The following IMPA1 variants were observed in gnomAD, a reference collection of about 807,000 sequenced individuals.
IMPA1 encodes D-galactose 1-phosphate phosphatase.
A neutral mutation model predicts 34.9 loss-of-function variants in IMPA1; 21 were observed. The ratio of observed to expected loss-of-function variants is 0.60; its 90% CI spans 0.43 to 0.87. The LOEUF is 0.87. Among genes scored for constraint, IMPA1 ranks in the 40% least tolerant of loss-of-function variants. IMPA1 has a pLI of 0.00. For missense variants in IMPA1, 299 were observed against 336.4 expected (o/e 0.89, Z 0.87); for synonymous variants, 95 against 104.4 (o/e 0.91, Z 0.55).
intron 1 of IMPA1, among the ~76,000 whole-genome samples, chr8:81,685,395 C>A (rs549676174): frequency 2.2e-5 from 3 of 136,042 alleles, no homozygotes; most frequent in South Asian, 4.7e-4. Flanking sequence ...AGTATATATA[C>A]CTAAGTATAT....
intron 3 of IMPA1, among the ~76,000 whole-genome samples, chr8:81,679,830 G>T (rs2130315167): frequency 6.6e-6 from 1 of 152,160 alleles, no homozygotes; most frequent in Middle Eastern, 3.4e-3. Context: ...AATCATTAAG[G>T]AAATGTAATG....
chr8:81,680,536 T>G, intron 3 of IMPA1, 114 bp downstream of exon 3: 1 of 755,374 alleles, frequency 1.3e-6, no homozygotes, highest in Non-Finnish European at 2.2e-6. Flanking sequence ...ACACTTTGAC[T>G]GTAACTTCAT....
At chr8:81,685,864 C>A (rs1415285636) in intron 1 of IMPA1, 1 of 1,549,576 alleles carries the variant, frequency 6.5e-7, no homozygotes, top group Non-Finnish European at 8.7e-7. Flanking sequence ...CTTTTTGCCA[C>A]CTGTCCCAGC....
intron 7 of IMPA1, among the ~76,000 whole-genome samples, chr8:81,669,712 T>C (rs1806934276): frequency 6.6e-6 from 1 of 152,154 alleles, no homozygotes; most frequent in Non-Finnish European, 1.5e-5. Flanking sequence ...GGGGATGGAA[T>C]GAGTGTATTT....
intron 5 of IMPA1, among the ~76,000 whole-genome samples, chr8:81,675,990 G>A (rs1807119754): frequency 6.6e-6 from 1 of 152,166 alleles, no homozygotes; most frequent in Non-Finnish European, 1.5e-5. Flanking sequence ...ACTAAATACT[G>A]AGTTGTATTT....
At chr8:81,676,481 AC>A (rs1322055856) in intron 4 of IMPA1, among the ~76,000 whole-genome samples, 1 of 152,134 alleles carries the variant, frequency 6.6e-6, no homozygotes, top group Non-Finnish European at 1.5e-5. Context: ...TATTATACAC[AC>A]ACACCCTCCC....
At chr8:81,674,948 T>A in intron 5 of IMPA1, 1 of 410,612 alleles carries the variant, frequency 2.4e-6, no homozygotes. Flanking sequence ...TGGCATTTCC[T>A]TGGCTATTCT....
chr8:81,686,094 A>T, intron 1 of IMPA1, 158 bp downstream of exon 1: 1 of 892,190 alleles, frequency 1.1e-6, no homozygotes, highest in Non-Finnish European at 1.5e-6. Context: ...GCAGCTCCGG[A>T]TAACGCAGCA....
chr8:81,685,745 GGT>G, intron 1 of IMPA1: 1 of 1,473,900 alleles, frequency 6.8e-7, no homozygotes, highest in Non-Finnish European at 9.1e-7. Context: ...TGATGGGCAG[GGT>G]CCGTAGTTTA....
Position 81,658,101 on chromosome 8 carries a change from TTAATA to T in IMPA1, c.*1245_*1249del, listed in dbSNP as rs924404724. 4.0e-5 allele frequency: 6 copies of T among 150,976 alleles called. No individual in the cohort carries two copies. In the South Asian group the frequency reaches 6.2e-4, roughly 16 times the overall value. The allele number at this position is 150,976 out of a possible 1,614,324, so 9.4% of individuals were successfully genotyped here. Reference sequence around the variant, plus strand: ...AGTCAAACCTTAGTATCACACATACTTAATATATTAGATATACACAATAATAAAAT... The same window carrying T: ...AGTCAAACCTTAGTATCACACATACTTATTAGATATACACAATAATAAAAT... On this transcript the variant is annotated 3_prime_UTR_variant, in exon 9 of 9. Coordinates refer to ENST00000256108, the MANE Select transcript of IMPA1 (RefSeq NM_005536.4).
Position 81,659,307 on chromosome 8 carries a change from A to G in IMPA1, c.*44T>C, listed in dbSNP as rs778603291. The G allele has an allele frequency of 9.3e-7, 1 of 1,079,516 alleles. No individual in the cohort carries two copies. The highest frequency in any genetic ancestry group is 1.4e-6 in the Non-Finnish European group (1 of 692,716). The allele number at this position is 1,079,516 out of a possible 1,614,324, so 66.9% of individuals were successfully genotyped here. ...ACACATATCCATTGATGAGTCACCA[A>G]ATCTGGGGAAAAGCAACTGGGATTG... On this transcript the variant is annotated 3_prime_UTR_variant, in exon 9 of 9. Transcript: ENST00000256108.
In IMPA1 at chr8:81,658,070, T is replaced by C. The variant is rs1170782283; in HGVS notation, c.*1281A>G. 1.3e-5 allele frequency: 2 copies of C among 152,116 alleles called. No individual in the cohort carries two copies. Among genetic ancestry groups the C allele is most frequent in the African/African-American group, 4.8e-5 (2 of 41,394 alleles). 9.4% of individuals were successfully genotyped at this position (152,116 alleles called of 1,614,324 possible). A position where few individuals can be genotyped will look rare whatever the true frequency, so the allele number is the denominator to read the frequency against. ...ACATGTGATCAACAGTACAAATAATTATAGCAGTCAAACCTTAGTATCACA... is the reference window on the plus strand; with the variant it reads ...ACATGTGATCAACAGTACAAATAATCATAGCAGTCAAACCTTAGTATCACA... On this transcript the variant is annotated 3_prime_UTR_variant, in exon 9 of 9. Transcript: ENST00000256108.
chr8:81,673,976 C>T, intron 5 of IMPA1, 27 bp from the exon 6 acceptor site: 1 of 1,384,894 alleles, frequency 7.2e-7, no homozygotes, highest in Non-Finnish European at 1.0e-6. Context: ...GTTTCCTTTA[C>T]CAAACCTAAG....
At chr8:81,676,329 T>C (rs1181528534) in intron 4 of IMPA1, 50 bp from the exon 5 acceptor site, 2 of 921,894 alleles carry the variant, frequency 2.2e-6, no homozygotes, top group African/African-American at 1.7e-5. Flanking sequence ...ATAGAACTTT[T>C]GTTAATAAAA....
chr8:81,674,593 CCCA>C (rs1181430329), intron 5 of IMPA1: 4 of 325,008 alleles, frequency 1.2e-5, no homozygotes, highest in South Asian at 4.9e-5. Context: ...CCTCCATGCT[CCCA>C]CCATTATTCT....
chr8:81,683,884 G>C (rs934352654), intron 1 of IMPA1, among the ~76,000 whole-genome samples: 1 of 152,116 alleles, frequency 6.6e-6, no homozygotes, highest in Non-Finnish European at 1.5e-5. Flanking sequence ...AACCCAGCAA[G>C]GACTGTCCAT....
chr8:81,670,624 G>T (rs376859671), intron 7 of IMPA1, among the ~76,000 whole-genome samples: 1 of 152,268 alleles, frequency 6.6e-6, no homozygotes. Flanking sequence ...CTGTGGAAAT[G>T]TTCCAGATCA....
In IMPA1 at chr8:81,659,382, A is replaced by C; in HGVS notation, c.803T>G (p.Val268Gly). The C allele has an allele frequency of 6.2e-7, 1 of 1,609,234 alleles. No homozygotes were observed. Among genetic ancestry groups the C allele is most frequent in the South Asian group, 1.1e-5 (1 of 90,960 alleles). Reference sequence around the variant, plus strand: ...TTCGTCGTCTCGTTGCAAAGGTATAACCTGAATTTCTTTAGCTATCCTTTC... The same window carrying C: ...TTCGTCGTCTCGTTGCAAAGGTATACCCTGAATTTCTTTAGCTATCCTTTC... ...LAERIAKEIQ[V>G]IPLQRDDED Residue 268 changes from valine to glycine, a missense_variant, in exon 9 of 9, where the codon GTT becomes GGT. Val to Gly is a moderately radical substitution (Grantham distance 109). Coordinates refer to ENST00000256108, the MANE Select transcript of IMPA1 (RefSeq NM_005536.4).
At position 81,685,856 on chromosome 8, in the gene IMPA1, T is replaced by C; in HGVS notation, c.-25+396A>G. On this transcript the variant is annotated intron_variant, in intron 1 of 8. Coordinates refer to ENST00000256108, the MANE Select transcript of IMPA1 (RefSeq NM_005536.4). Reference sequence around the variant, plus strand: ...AGCGTAGGAGCCAGGCCACCTTCCTTTTTGCCACCTGTCCCAGCACCGCGA... The same window carrying C: ...AGCGTAGGAGCCAGGCCACCTTCCTCTTTGCCACCTGTCCCAGCACCGCGA... The C allele has an allele frequency of 1.3e-6, 2 of 1,549,928 alleles. 1 individual carries two copies. Among genetic ancestry groups the C allele is most frequent in the South Asian group, 2.4e-5 (2 of 83,748 alleles).
Sources: gnomAD v4.1 joint callset for allele counts (sites outside exome capture counted in the v4.1 genomes callset) on GRCh38, gnomAD v4.1.1 for gene constraint, MANE v1.5 for transcripts, NCBI Gene and HGNC (gene_info 2026-07-23, HGNC 2026-07-21) for gene names.